The following PCDHGA2 variants were observed in gnomAD, a reference collection of about 807,000 sequenced individuals.
PCDHGA2 encodes protocadherin gamma subfamily A, 2.
PCDHGA2 carries 40 observed loss-of-function variants against 59.2 expected under a neutral mutation model. The observed-to-expected ratio is 0.68, with a 90% CI of 0.52 to 0.88. The LOEUF (loss-of-function observed/expected upper bound fraction) is 0.88, where lower values mean the gene tolerates loss of function less well. PCDHGA2 is among the 40% of genes least tolerant of loss of function. The probability of loss-of-function intolerance (pLI) is 0.00; values close to 1 mark genes in which losing one functional copy is unlikely to be tolerated. For missense variants in PCDHGA2, 1,226 were observed against 1,204.0 expected (o/e 1.02, Z -0.27); for synonymous variants, 560 against 526.0 (o/e 1.06, Z -0.89).
At chr5:141,405,672 G>C (rs755545370) in intron 1 of PCDHGA2, among the ~76,000 whole-genome samples, 3 of 152,024 alleles carry the variant, frequency 2.0e-5, no homozygotes, top group Non-Finnish European at 4.4e-5. Flanking sequence ...GAGACGGGGT[G>C]TCACCATGTT....
Position 141,491,045 on chromosome 5 carries a change from A to G in PCDHGA2, c.2425-3762A>G, listed in dbSNP as rs1452139285. 2 of 1,613,970 alleles carry G rather than the reference A, an allele frequency of 1.2e-6. No individual in the cohort carries two copies. The highest frequency in any genetic ancestry group is 1.1e-5 in the South Asian group (1 of 91,090). On this transcript the variant is annotated intron_variant, in intron 1 of 3. Coordinates refer to ENST00000394576, the MANE Select transcript of PCDHGA2 (RefSeq NM_018915.4). This position sits in a 1 kb window ranked among gnomAD's most constrained non-coding sequence, Gnocchi z 6.9. ...GCCGTGGATGCTGATGCAGGCCACA[A>G]TGCGTGGCTCTCCTACTCACTGTTG...
At chr5:141,457,108 T>C (rs186630889) in intron 1 of PCDHGA2, among the ~76,000 whole-genome samples, 40 of 152,338 alleles carry the variant, frequency 2.6e-4, no homozygotes, top group African/African-American at 9.1e-4. Flanking sequence ...TTAAGCAAAA[T>C]ACGACAGCAA....
chr5:141,418,254 A>T (rs1217236221), intron 1 of PCDHGA2: 2 of 1,613,904 alleles, frequency 1.2e-6, no homozygotes, highest in African/African-American at 2.7e-5. Flanking sequence ...CACGCCCCTC[A>T]ATTCCGGAAA....
chr5:141,357,236 A>G (rs756707851), intron 1 of PCDHGA2: 2 of 1,613,634 alleles, frequency 1.2e-6, no homozygotes, highest in East Asian at 4.5e-5. Context: ...GGCAGCCTCA[A>G]GCCTTCAGCA....
intron 1 of PCDHGA2, chr5:141,374,996 G>A: frequency 1.9e-6 from 3 of 1,614,006 alleles, no homozygotes; most frequent in Non-Finnish European, 2.5e-6. Context: ...TTCAACTTCT[G>A]CAAATCTAGA....
At position 141,477,850 on chromosome 5, in the gene PCDHGA2, G is replaced by A; in HGVS notation, c.2425-16957G>A. On this transcript the variant is annotated intron_variant, in intron 1 of 3. Transcript: ENST00000394576. The surrounding 1 kb of genome is among the most constrained non-coding windows in gnomAD (Gnocchi z 4.9). ...CTCGGCCAGGTGGGAGCTCGGTGGAGATGCTGCCTCGAGGTACCTCAGCTG... is the reference window on the plus strand; with the variant it reads ...CTCGGCCAGGTGGGAGCTCGGTGGAAATGCTGCCTCGAGGTACCTCAGCTG... 6.2e-7 allele frequency: 1 copy of A among 1,613,446 alleles called. No homozygotes were observed. Among genetic ancestry groups the A allele is most frequent in the Admixed American group, 1.7e-5 (1 of 59,958 alleles).
chr5:141,448,099 T>C (rs1002430560), intron 1 of PCDHGA2, among the ~76,000 whole-genome samples: 1 of 151,272 alleles, frequency 6.6e-6, no homozygotes, highest in African/African-American at 2.4e-5. Context: ...AAAAAAAAAA[T>C]TAAAAGAAAA....
Position 141,431,386 on chromosome 5 carries a change from C to A in PCDHGA2, c.2425-63421C>A. The stretch of plus-strand genomic sequence containing the variant: ...ACCGCGAAGAAAAGGCTGCTCACCA[C>A]CTGGTCCTTACGGCCTCCGACGGGG... On this transcript the variant is annotated intron_variant, in intron 1 of 3. Coordinates refer to ENST00000394576, the MANE Select transcript of PCDHGA2 (RefSeq NM_018915.4). The surrounding 1 kb of genome is among the most constrained non-coding windows in gnomAD (Gnocchi z 4.8). The A allele has an allele frequency of 6.2e-7, 1 of 1,613,924 alleles. No individual in the cohort carries two copies. Among genetic ancestry groups the A allele is most frequent in the Non-Finnish European group, 8.5e-7 (1 of 1,180,038 alleles).
intron 1 of PCDHGA2, among the ~76,000 whole-genome samples, chr5:141,464,402 G>T (rs900750443): frequency 6.6e-6 from 1 of 150,722 alleles, no homozygotes; most frequent in African/African-American, 2.4e-5. Context: ...AAGAACCTGA[G>T]ATATATATAT....
In PCDHGA2 at chr5:141,432,365, G is replaced by A. The variant is rs1561860587; in HGVS notation, c.2425-62442G>A. The A allele has an allele frequency of 6.2e-7, 1 of 1,614,224 alleles. No homozygotes were observed. The highest frequency in any genetic ancestry group is 2.2e-5 in the East Asian group (1 of 44,882). ...CTTGCAAGTGAAAGTGATGGCGCGG[G>A]ACAACGGGCACCCGCCCCTCAGCAG... On this transcript the variant is annotated intron_variant, in intron 1 of 3. Transcript: ENST00000394576. The surrounding 1 kb of genome is among the most constrained non-coding windows in gnomAD (Gnocchi z 6.0).
Position 141,476,072 on chromosome 5 carries a change from C to A in PCDHGA2, c.2425-18735C>A. 1.3e-6 allele frequency: 2 copies of A among 1,523,462 alleles called. No individual in the cohort carries two copies. The highest frequency in any genetic ancestry group is 1.3e-5 in the South Asian group (1 of 77,998). 94.4% of individuals were successfully genotyped at this position (1,523,462 alleles called of 1,614,324 possible). The stretch of plus-strand genomic sequence containing the variant: ...CGCTGAAAGTTTCTCAGCGAAATCT[C>A]AGGGACGATCTGGACCCCGCTGAGA... On this transcript the variant is annotated intron_variant, in intron 1 of 3. Coordinates refer to ENST00000394576, the MANE Select transcript of PCDHGA2 (RefSeq NM_018915.4). The surrounding 1 kb of genome is among the most constrained non-coding windows in gnomAD (Gnocchi z 7.6).
chr5:141,346,590 C>T, intron 1 of PCDHGA2: 4 of 1,363,694 alleles, frequency 2.9e-6, no homozygotes, highest in Non-Finnish European at 4.0e-6. Context: ...ATTTGTCCCC[C>T]TTTCTTTCTG....
In PCDHGA2 at chr5:141,340,273, G is replaced by C. The variant is rs369542772; in HGVS notation, c.1302G>C (p.Thr434=). Residue 434 remains threonine (T), a synonymous_variant, in exon 1 of 4, where the codon ACG becomes ACC. Coordinates refer to ENST00000394576, the MANE Select transcript of PCDHGA2 (RefSeq NM_018915.4). ...ATGGAGGGAACCCCTCCCTGTCCAC[G>C]GATGCTCACATTTTGCTCCAGGTGG... ...AKDGGNPSLS[T]DAHILLQVAD... 7.4e-6 allele frequency: 12 copies of C among 1,614,060 alleles called. No homozygotes were observed. In the East Asian group the frequency reaches 2.7e-4, roughly 36 times the overall value.
intron 1 of PCDHGA2, among the ~76,000 whole-genome samples, chr5:141,446,827 C>A (rs922071842): frequency 6.6e-6 from 1 of 152,114 alleles, no homozygotes; most frequent in Non-Finnish European, 1.5e-5. Context: ...TGGGTAGATC[C>A]TTATAAGGCT....
intron 1 of PCDHGA2, among the ~76,000 whole-genome samples, chr5:141,438,621 TATATATATATATATAC>T (rs1472935962): frequency 0.016 from 652 of 41,356 alleles, 15 homozygotes; most frequent in East Asian, 0.15. Flanking sequence ...TATATATATA[TATATATATATATATAC>T]ACACACACAC....
intron 1 of PCDHGA2, chr5:141,418,530 G>A (rs370822103): frequency 5.0e-6 from 8 of 1,613,834 alleles, no homozygotes; most frequent in Non-Finnish European, 6.8e-6. Context: ...CCCCGAAGCG[G>A]TACTGCTCAG....
rs769796337 is a variant in PCDHGA2 at position 141,352,074 on chromosome 5, T to C, written c.2424+10679T>C. ...AACGCTTGGCTGTCCTACCACGTGC[T>C]GCAGGCCAGCGAGCCCGGGCTCTTC... On this transcript the variant is annotated intron_variant, in intron 1 of 3. Transcript: ENST00000394576. The C allele has an allele frequency of 1.1e-4, 169 of 1,605,162 alleles. No homozygotes were observed. Among genetic ancestry groups the C allele is most frequent in the Non-Finnish European group, 1.4e-4 (166 of 1,176,758 alleles).
chr5:141,414,466 G>A, intron 1 of PCDHGA2: 1 of 1,613,872 alleles, frequency 6.2e-7, no homozygotes, highest in Non-Finnish European at 8.5e-7. Flanking sequence ...AGCCACAGAT[G>A]GGGGAAGTCC....
At chr5:141,427,191 G>A (rs749528616) in intron 1 of PCDHGA2, 1 of 456,716 alleles carries the variant, frequency 2.2e-6, no homozygotes, top group South Asian at 1.5e-5. Flanking sequence ...TAAATCCAAA[G>A]ACTTAATAGA....
Sources: allele counts gnomAD v4.1 joint callset (sites outside exome capture counted in the v4.1 genomes callset), GRCh38; gene constraint gnomAD v4.1.1; non-coding constraint Gnocchi (gnomAD v3.1); transcripts MANE v1.5; gene names NCBI Gene and HGNC (gene_info 2026-07-23, HGNC 2026-07-21).